Variants in CTNND2 observed in about 807,000 individuals in gnomAD.
The protein encoded by CTNND2 is catenin delta-2.
In CTNND2, 22 loss-of-function variants were observed where a neutral mutation model predicts 144.4. The ratio of observed to expected loss-of-function variants is 0.15; its 90% CI spans 0.11 to 0.22. CTNND2 has a LOEUF of 0.22. Among genes scored for constraint, CTNND2 ranks in the 10% least tolerant of loss-of-function variants. The pLI is 1.00. For missense variants in CTNND2, 1,353 were observed against 1,618.8 expected (o/e 0.84, Z 2.82); for synonymous variants, 751 against 695.6 (o/e 1.08, Z -1.25).
At chr5:11,090,201 C>T (rs1338064488) in intron 15 of CTNND2, among the ~76,000 whole-genome samples, 1 of 152,190 alleles carries the variant, frequency 6.6e-6, no homozygotes, top group Non-Finnish European at 1.5e-5. Context: ...CCGGAGCCAC[C>T]ATAGCGCTGT....
chr5:11,384,993 G>T lies in CTNND2; in HGVS notation c.849C>A (p.Gly283=), dbSNP rs1033466462. The change falls in exon 7 of 22, where the codon GGC becomes GGA. Residue 283 remains glycine, a synonymous_variant. Transcript: ENST00000304623. The surrounding 1 kb of genome is among the most constrained non-coding windows in gnomAD (Gnocchi z 5.2). ...AGGTGGCGCCCTCGGGGGCCGAGCC[G>T]CCGCGCTGCAGCTTGGTGGGCGAAC... is the stretch of plus-strand genomic sequence containing the variant. ...QGGSPTKLQR[G]GSAPEGATYA... 6.6e-7 allele frequency: 1 copy of T among 1,513,746 alleles called. No homozygotes were observed. The highest frequency in any genetic ancestry group is 8.8e-7 in the Non-Finnish European group (1 of 1,136,920). 93.8% of individuals were successfully genotyped at this position (1,513,746 alleles called of 1,614,324 possible).
intron 11 of CTNND2, among the ~76,000 whole-genome samples, chr5:11,197,842 A>G (rs1434527403): frequency 6.6e-6 from 1 of 152,210 alleles, no homozygotes; most frequent in Non-Finnish European, 1.5e-5. Context: ...TTTTCTGGCA[A>G]TCAGGGAAGC....
chr5:11,283,649 G>C lies in CTNND2; in HGVS notation c.1629-46826C>G, dbSNP rs191245641. 4.7e-3 allele frequency among the ~76,000 whole-genome samples: 531 copies of C among 113,190 alleles called. 5 individuals are homozygous for C. The highest frequency in any genetic ancestry group is 0.017 in the African/African-American group (488 of 28,930). 74.3% of individuals were successfully genotyped at this position (113,190 alleles called of 152,430 possible). A position where few individuals can be genotyped will look rare whatever the true frequency, so the allele number is the denominator to read the frequency against. On this transcript the variant is annotated intron_variant, in intron 9 of 21. Coordinates refer to ENST00000304623, the MANE Select transcript of CTNND2 (RefSeq NM_001332.4). ...AGACTATGCCATTGCACTCCAGCCT[G>C]GGTGAAAGAGTGAGACTCCGTCTCA...
chr5:11,443,225 ATG>A (rs1377398071), intron 3 of CTNND2, among the ~76,000 whole-genome samples: 3 of 52,524 alleles, frequency 5.7e-5, no homozygotes, highest in Non-Finnish European at 1.1e-4. Context: ...TGTGGTGTGT[ATG>A]TGTGTGTGAT....
chr5:11,186,160 G>A (rs768093518), intron 11 of CTNND2, among the ~76,000 whole-genome samples: 1 of 152,194 alleles, frequency 6.6e-6, no homozygotes, highest in Non-Finnish European at 1.5e-5. Context: ...TAATGATCAC[G>A]GAGGTGAAAA....
intron 16 of CTNND2, among the ~76,000 whole-genome samples, chr5:11,025,501 C>A (rs1054907093): frequency 6.6e-6 from 1 of 152,066 alleles, no homozygotes; most frequent in African/African-American, 2.4e-5. Flanking sequence ...AGGGAAGAGA[C>A]AAGTTAGATA....
chr5:11,542,024 G>T (rs2150070974), intron 3 of CTNND2, among the ~76,000 whole-genome samples: 1 of 151,986 alleles, frequency 6.6e-6, no homozygotes, highest in South Asian at 2.1e-4. Flanking sequence ...GTCCCCGTAG[G>T]GACATCATCA....
chr5:11,674,242 G>T (rs1561681480), intron 2 of CTNND2, among the ~76,000 whole-genome samples: 3 of 152,062 alleles, frequency 2.0e-5, no homozygotes, highest in Admixed American at 2.0e-4. Flanking sequence ...CAAAATTATA[G>T]CAAGGTTAAA....
intron 10 of CTNND2, among the ~76,000 whole-genome samples, chr5:11,218,970 T>G (rs578137850): frequency 3.7e-4 from 56 of 152,332 alleles, no homozygotes; most frequent in African/African-American, 1.3e-3. Context: ...CACCCTGGCC[T>G]GCACATAGGG....
intron 3 of CTNND2, among the ~76,000 whole-genome samples, chr5:11,528,548 C>T (rs1269332191): frequency 6.6e-6 from 1 of 152,186 alleles, no homozygotes; most frequent in East Asian, 1.9e-4. Flanking sequence ...GAAACAACAT[C>T]CCTTGGAAAA....
In CTNND2 at chr5:11,098,646, C is replaced by T; in HGVS notation, c.2566G>A (p.Glu856Lys). The part of the protein sequence containing the change: ...IVKPYLTLLS[E>K]CSNPDTLEGA... ...TCCAGCGTGTCTGGATTTGAGCACTCAGAGAGCAGTGTGAGGTAGGGTTTG... is the reference window on the plus strand; with the variant it reads ...TCCAGCGTGTCTGGATTTGAGCACTTAGAGAGCAGTGTGAGGTAGGGTTTG... The change falls in exon 15 of 22, where the codon GAG becomes AAG. Residue 856 changes from glutamate to lysine, a missense_variant. Transcript: ENST00000304623. 6.2e-7 allele frequency: 1 copy of T among 1,614,154 alleles called. No individual in the cohort carries two copies. The highest frequency in any genetic ancestry group is 8.5e-7 in the Non-Finnish European group (1 of 1,180,020).
chr5:11,630,016 T>A (rs1316150397), intron 2 of CTNND2, among the ~76,000 whole-genome samples: 2 of 152,184 alleles, frequency 1.3e-5, no homozygotes, highest in Admixed American at 1.3e-4. Context: ...ATTTAATATA[T>A]GTTTCTTAAA....
At position 11,083,675 on chromosome 5, in the gene CTNND2, A is replaced by T. The variant is rs988635478; in HGVS notation, c.2638-829T>A. Among the ~76,000 whole-genome samples, 3 of 152,232 alleles carry T rather than the reference A, an allele frequency of 2.0e-5. No homozygotes were observed. The South Asian group carries it at 6.2e-4, about 31-fold the overall frequency. ...ACTCTTCTACAGTGTCCTGGAGAAG[A>T]GAGTACAATATAAAAATTCACAAAT... On this transcript the variant is annotated intron_variant, in intron 15 of 21. Transcript: ENST00000304623.
chr5:11,066,924 A>G (rs1239154996), intron 16 of CTNND2, among the ~76,000 whole-genome samples: 2 of 152,224 alleles, frequency 1.3e-5, no homozygotes, highest in Non-Finnish European at 2.9e-5. Context: ...CAATCTGACC[A>G]AAAAGCAAGA....
At position 11,690,205 on chromosome 5, in the gene CTNND2, A is replaced by G. The variant is rs551945735; in HGVS notation, c.174+41931T>C. Among the ~76,000 whole-genome samples the G allele has an allele frequency of 4.6e-5, 7 of 152,358 alleles. No homozygotes were observed. The South Asian group carries it at 1.4e-3, about 32-fold the overall frequency. On this transcript the variant is annotated intron_variant, in intron 2 of 21. Coordinates refer to ENST00000304623, the MANE Select transcript of CTNND2 (RefSeq NM_001332.4). ...ATGTGATGGAAGAGAATAGAATCCA[A>G]TGTATCCACCGACTGGTGCAGGAAT... is the stretch of plus-strand genomic sequence containing the variant.
At chr5:11,531,048 G>T (rs886127756) in intron 3 of CTNND2, among the ~76,000 whole-genome samples, 3 of 152,162 alleles carry the variant, frequency 2.0e-5, no homozygotes, top group Admixed American at 2.0e-4. Context: ...ACTGTCATTA[G>T]AGGTTTACTC....
chr5:11,811,316 T>C (rs1792319962), intron 1 of CTNND2, among the ~76,000 whole-genome samples: 1 of 152,138 alleles, frequency 6.6e-6, no homozygotes, highest in South Asian at 2.1e-4. Context: ...CTTGGGGACT[T>C]AAAACACCAC....
At chr5:11,181,135 G>A (rs535151102) in intron 11 of CTNND2, among the ~76,000 whole-genome samples, 5 of 152,302 alleles carry the variant, frequency 3.3e-5, no homozygotes, top group East Asian at 1.9e-4. Flanking sequence ...GTGCAGTGGC[G>A]GGGAGGGTGG....
chr5:11,753,093 T>C (rs1788717415), intron 1 of CTNND2, among the ~76,000 whole-genome samples: 1 of 151,874 alleles, frequency 6.6e-6, no homozygotes, highest in Non-Finnish European at 1.5e-5. Flanking sequence ...GACTATGGGG[T>C]TTTCTAGGTA....
Sources: gnomAD v4.1 joint callset for allele counts (sites outside exome capture counted in the v4.1 genomes callset) on GRCh38, gnomAD v4.1.1 for gene constraint, Gnocchi (gnomAD v3.1) non-coding constraint, MANE v1.5 for transcripts, NCBI Gene and HGNC (gene_info 2026-07-23, HGNC 2026-07-21) for gene names.